The following EPHA7 variants were observed in gnomAD, a reference collection of about 807,000 sequenced individuals.
The protein encoded by EPHA7 is EPH receptor A7.
EPHA7 carries 25 observed loss-of-function variants against 112.6 expected under a neutral mutation model. The observed-to-expected ratio is 0.22, with a 90% CI of 0.16 to 0.31. EPHA7 has a LOEUF of 0.31. EPHA7 is among the 10% of genes least tolerant of loss of function. The pLI is 1.00. For synonymous variants in EPHA7, 437 were observed against 406.5 expected (o/e 1.07, Z -0.90); for missense variants, 962 against 1,212.6 (o/e 0.79, Z 3.07).
chr6:93,377,484 T>C (rs542819161), intron 3 of EPHA7, among the ~76,000 whole-genome samples: 1 of 151,998 alleles, frequency 6.6e-6, no homozygotes, highest in Admixed American at 6.6e-5. Flanking sequence ...CAAAGTTCCC[T>C]AGATGATTTG....
intron 5 of EPHA7, among the ~76,000 whole-genome samples, chr6:93,338,932 C>G (rs1467333287): frequency 2.0e-5 from 3 of 149,176 alleles, no homozygotes; most frequent in Non-Finnish European, 3.0e-5. Context: ...ATAGCTATAT[C>G]TATATGTACA....
At chr6:93,245,587 G>A (rs1582380720) in intron 15 of EPHA7, 134 bp from the exon 16 acceptor site, 2 of 809,872 alleles carry the variant, frequency 2.5e-6, no homozygotes, top group South Asian at 2.3e-5. Context: ...AAAATACATC[G>A]ATATGCTAAT....
intron 5 of EPHA7, among the ~76,000 whole-genome samples, chr6:93,315,816 A>C (rs1773780470): frequency 6.6e-6 from 1 of 152,128 alleles, no homozygotes; most frequent in Admixed American, 6.5e-5. Flanking sequence ...TATTTTACTT[A>C]TGCTAAAAGT....
chr6:93,395,892 T>C lies in EPHA7; in HGVS notation c.832+14609A>G, dbSNP rs186970811. ...CTTTCTATCTCTACAACAAAGACCCTCTCTGAGCTTCCCAGTGGCCTTCAG... is the reference window on the plus strand; with the variant it reads ...CTTTCTATCTCTACAACAAAGACCCCCTCTGAGCTTCCCAGTGGCCTTCAG... On this transcript the variant is annotated intron_variant, in intron 3 of 16. Transcript: ENST00000369303. 8.6e-5 allele frequency among the ~76,000 whole-genome samples: 13 copies of C among 151,992 alleles called. No individual in the cohort carries two copies. In the East Asian group the frequency reaches 1.7e-3, roughly 20 times the overall value.
At chr6:93,409,052 T>G (rs932828249) in intron 3 of EPHA7, among the ~76,000 whole-genome samples, 2 of 152,020 alleles carry the variant, frequency 1.3e-5, no homozygotes, top group African/African-American at 4.8e-5. Context: ...CAATGTTTAA[T>G]AGTCATTTTT....
chr6:93,283,081 G>A (rs1771850646), intron 5 of EPHA7, among the ~76,000 whole-genome samples: 1 of 152,226 alleles, frequency 6.6e-6, no homozygotes, highest in African/African-American at 2.4e-5. Flanking sequence ...GAGTCTAGTG[G>A]GGACTTGGAG....
At chr6:93,381,848 T>G (rs1777351664) in intron 3 of EPHA7, among the ~76,000 whole-genome samples, 1 of 152,160 alleles carries the variant, frequency 6.6e-6, no homozygotes, top group Non-Finnish European at 1.5e-5. Flanking sequence ...TAAGTCATCA[T>G]CAGCAGTCAA....
intron 1 of EPHA7, among the ~76,000 whole-genome samples, chr6:93,415,198 T>C (rs145257354): frequency 0.028 from 4,257 of 152,090 alleles, 87 homozygotes; most frequent in Middle Eastern, 0.061. Flanking sequence ...CTGCCAGCAG[T>C]ATTTTCTATT....
At chr6:93,307,952 G>C (rs984548312) in intron 5 of EPHA7, among the ~76,000 whole-genome samples, 1 of 152,128 alleles carries the variant, frequency 6.6e-6, no homozygotes, top group Non-Finnish European at 1.5e-5. Flanking sequence ...GATGAATATG[G>C]ATTTGTGCAC....
chr6:93,375,819 C>T (rs1777031628), intron 3 of EPHA7, among the ~76,000 whole-genome samples: 1 of 152,080 alleles, frequency 6.6e-6, no homozygotes. Flanking sequence ...AATCTGCTTC[C>T]CACCTAACCT....
chr6:93,271,624 T>C (rs895222865), intron 6 of EPHA7, among the ~76,000 whole-genome samples: 3 of 151,824 alleles, frequency 2.0e-5, no homozygotes, highest in African/African-American at 7.3e-5. Context: ...ATAAATATAC[T>C]CATATACTCA....
intron 11 of EPHA7, 62 bp downstream of exon 11, chr6:93,258,037 T>C (rs1770516021): frequency 2.8e-6 from 4 of 1,445,712 alleles, no homozygotes; most frequent in African/African-American, 2.8e-5. Flanking sequence ...ATTGTGTACA[T>C]AATAATACTA....
intron 6 of EPHA7, among the ~76,000 whole-genome samples, chr6:93,271,532 G>C (rs1183385024): frequency 6.6e-6 from 1 of 151,904 alleles, no homozygotes; most frequent in African/African-American, 2.4e-5. Flanking sequence ...CACTGAGTCT[G>C]TCTGTGAGGT....
chr6:93,376,201 G>A (rs1205304324), intron 3 of EPHA7, among the ~76,000 whole-genome samples: 1 of 151,990 alleles, frequency 6.6e-6, no homozygotes, highest in East Asian at 1.9e-4. Flanking sequence ...GAAGTGCAGT[G>A]GTATGATCAC....
intron 3 of EPHA7, among the ~76,000 whole-genome samples, chr6:93,400,918 TATG>T (rs1412365469): frequency 1.3e-5 from 2 of 152,122 alleles, no homozygotes; most frequent in African/African-American, 4.8e-5. Flanking sequence ...ATGATAAATG[TATG>T]ATATGTAGTT....
chr6:93,252,916 A>G (rs1582393167), intron 14 of EPHA7, among the ~76,000 whole-genome samples: 1 of 152,042 alleles, frequency 6.6e-6, no homozygotes, highest in South Asian at 2.1e-4. Context: ...GTAAGGCTAT[A>G]TTCATAATGT....
chr6:93,306,075 A>G (rs1412915115), intron 5 of EPHA7, among the ~76,000 whole-genome samples: 1 of 151,986 alleles, frequency 6.6e-6, no homozygotes, highest in Non-Finnish European at 1.5e-5. Context: ...TTATGCAAGA[A>G]TCATACTTAC....
intron 5 of EPHA7, among the ~76,000 whole-genome samples, chr6:93,351,375 T>C (rs1428656829): frequency 6.6e-6 from 1 of 151,918 alleles, no homozygotes; most frequent in Non-Finnish European, 1.5e-5. Flanking sequence ...TTCTTCCTAA[T>C]AAAACTCATG....
At chr6:93,414,528 T>C (rs1056371621) in intron 2 of EPHA7, among the ~76,000 whole-genome samples, 175 bp downstream of exon 2, 6 of 151,880 alleles carry the variant, frequency 4.0e-5, no homozygotes, top group African/African-American at 9.7e-5. Context: ...GTTCTAAGTA[T>C]ACCCTCTCTA....
Sources: allele counts gnomAD v4.1 joint callset (sites outside exome capture counted in the v4.1 genomes callset), GRCh38; gene constraint gnomAD v4.1.1; transcripts MANE v1.5; gene names NCBI Gene and HGNC (gene_info 2026-07-23, HGNC 2026-07-21).